Variants in GPHN observed in about 807,000 individuals in gnomAD.
GPHN encodes gephyrin.
GPHN carries 17 observed loss-of-function variants against 95.5 expected under a neutral mutation model. The ratio of observed to expected loss-of-function variants is 0.18; its 90% confidence interval spans 0.12 to 0.27. The LOEUF is 0.27. Ranked by LOEUF, GPHN falls within the 10% of genes least tolerant of loss-of-function variation. The pLI, the probability that GPHN is intolerant of heterozygous loss-of-function variation, is 1.00. For synonymous variants in GPHN, 320 were observed against 322.5 expected (o/e 0.99, Z 0.08); for missense variants, 660 against 978.1 (o/e 0.67, Z 4.34).
chr14:67,593,201 A>T, the GPHN span: 1 of 162,270 alleles, frequency 6.2e-6, no homozygotes, highest in Non-Finnish European at 1.3e-5. Context: ...TAAATGAAAA[A>T]AGACAGGGCC....
rs182487892 is a variant in GPHN, at chr14:66,980,395, G to A, written c.963+15070G>A. Among the ~76,000 whole-genome samples, 492 of 151,824 alleles carry A rather than the reference G, an allele frequency of 3.2e-3. 3 individuals are homozygous for A. Among genetic ancestry groups the A allele is most frequent in the Non-Finnish European group, 4.2e-3 (283 of 67,924 alleles). On this transcript the variant is annotated intron_variant, in intron 9 of 22. Coordinates refer to ENST00000478722, the MANE Select transcript of GPHN (RefSeq NM_020806.5). The stretch of plus-strand genomic sequence containing the variant: ...AAGTTCAAAGATAAACTTTTTTTTG[G>A]TCTCATGTGCAAATAATAAAAAAAA...
At chr14:67,118,212 C>T (rs1567356836) in intron 16 of GPHN, among the ~76,000 whole-genome samples, 1 of 152,160 alleles carries the variant, frequency 6.6e-6, no homozygotes, top group Admixed American at 6.5e-5. Flanking sequence ...AAATTAGTAA[C>T]TCCTAAAGTG....
At chr14:67,381,278 A>G in the GPHN span, among the ~76,000 whole-genome samples, 1 of 152,220 alleles carries the variant, frequency 6.6e-6, no homozygotes, top group African/African-American at 2.4e-5. Context: ...AAATGCTACA[A>G]ATTAGCACCC....
chr14:67,173,680 C>T lies in GPHN; in HGVS notation c.2079+4644C>T, dbSNP rs562016641. Among the ~76,000 whole-genome samples, 19 of 152,218 alleles carry T rather than the reference C, an allele frequency of 1.2e-4. No homozygotes were observed. In the East Asian group the frequency reaches 2.7e-3, roughly 22 times the overall value. ...AGCAAATATAACACCGCCAAAGGAA[C>T]ATAATGGGTCTCTAGTAACAGACCC... is the stretch of plus-strand genomic sequence containing the variant. On this transcript the variant is annotated intron_variant, in intron 21 of 22. Coordinates refer to ENST00000478722, the MANE Select transcript of GPHN (RefSeq NM_020806.5).
At chr14:67,114,746 ACT>A (rs1271417390) in intron 16 of GPHN, among the ~76,000 whole-genome samples, 2 of 151,992 alleles carry the variant, frequency 1.3e-5, no homozygotes, top group African/African-American at 2.4e-5. Flanking sequence ...TTAATAGGAA[ACT>A]CTGTTTAAGC....
the GPHN span, chr14:67,388,418 G>A: frequency 1.4e-6 from 1 of 709,136 alleles, no homozygotes; most frequent in Non-Finnish European, 2.6e-6. Context: ...TGTAATAGAA[G>A]ATGAAGCTGA....
intron 17 of GPHN, among the ~76,000 whole-genome samples, chr14:67,124,814 CT>C (rs34063556): frequency 4.0e-5 from 6 of 149,932 alleles, no homozygotes; most frequent in East Asian, 2.0e-4. Context: ...TACTGTTATA[CT>C]TTTTTTTTTA....
intron 17 of GPHN, among the ~76,000 whole-genome samples, chr14:67,125,949 A>G (rs887863761): frequency 6.6e-6 from 1 of 152,092 alleles, no homozygotes; most frequent in African/African-American, 2.4e-5. Context: ...TTTGACAATC[A>G]AAGTAAAAAT....
chr14:67,650,795 C>T, the GPHN span: 46 of 1,614,168 alleles, frequency 2.8e-5, 1 homozygote, highest in South Asian at 4.9e-4. Flanking sequence ...TACAGCTAAC[C>T]TGGCAGTAGA....
At chr14:67,364,580 T>C in the GPHN span, 2 of 546,646 alleles carry the variant, frequency 3.7e-6, no homozygotes, top group Non-Finnish European at 3.1e-6. Context: ...AAATAAAAAT[T>C]AAAGCTTGGT....
intron 10 of GPHN, among the ~76,000 whole-genome samples, chr14:67,039,886 T>C (rs941155348): frequency 1.8e-4 from 27 of 152,220 alleles, no homozygotes; most frequent in Middle Eastern, 3.2e-3. Flanking sequence ...TGCTTATCTA[T>C]ACAACCGTTC....
At chr14:67,098,376 C>G (rs959786142) in intron 12 of GPHN, among the ~76,000 whole-genome samples, 1 of 152,008 alleles carries the variant, frequency 6.6e-6, no homozygotes. Context: ...CCATTTTTAC[C>G]AACAAGAAAA....
rs191344870 is a variant in GPHN at position 66,600,508 on chromosome 14, A to G, written c.65-80599A>G. Among the ~76,000 whole-genome samples the G allele has an allele frequency of 2.2e-4, 33 of 152,278 alleles. No homozygotes were observed. In the East Asian group the frequency reaches 5.4e-3, roughly 25 times the overall value. On this transcript the variant is annotated intron_variant, in intron 1 of 22. Transcript: ENST00000478722. ...CTGGTCACAACATTTTTGTTCACCT[A>G]TCAATACGTAACTTTTAAAAAATGT...
At chr14:67,727,450 C>T in the GPHN span, 21 of 404,418 alleles carry the variant, frequency 5.2e-5, no homozygotes, top group South Asian at 1.0e-4. Flanking sequence ...TTCACAGTAG[C>T]TTTTTGCAAC....
the GPHN span, among the ~76,000 whole-genome samples, chr14:67,612,731 G>A: frequency 1.3e-5 from 2 of 152,136 alleles, no homozygotes; most frequent in Non-Finnish European, 2.9e-5. Context: ...GAGGCCAGGA[G>A]TTCGAAACCA....
the GPHN span, among the ~76,000 whole-genome samples, chr14:67,681,754 C>T: frequency 2.6e-5 from 4 of 151,612 alleles, no homozygotes; most frequent in South Asian, 2.1e-4. Context: ...AGCAAGATTC[C>T]GTCTCAAAAA....
the GPHN span, among the ~76,000 whole-genome samples, chr14:67,501,622 A>G: frequency 6.6e-6 from 1 of 152,200 alleles, no homozygotes; most frequent in Non-Finnish European, 1.5e-5. Context: ...GGACAGGCCA[A>G]TGAGGCAGGG....
At chr14:67,031,442 CT>C (rs2074193247) in intron 10 of GPHN, among the ~76,000 whole-genome samples, 3 of 152,094 alleles carry the variant, frequency 2.0e-5, no homozygotes, top group African/African-American at 7.2e-5. Context: ...GATTACCTTT[CT>C]TTATATAACT....
intron 3 of GPHN, among the ~76,000 whole-genome samples, chr14:66,812,539 A>G (rs1434782190): frequency 1.3e-5 from 2 of 152,194 alleles, no homozygotes. Flanking sequence ...GTAAAGGAAC[A>G]TATGCTTGTA....
Sources: gnomAD v4.1 joint callset for allele counts (sites outside exome capture counted in the v4.1 genomes callset) on GRCh38, gnomAD v4.1.1 for gene constraint, MANE v1.5 for transcripts, NCBI Gene and HGNC (gene_info 2026-07-23, HGNC 2026-07-21) for gene names.